The following ERICH1 variants were observed in gnomAD, a reference collection of about 807,000 sequenced individuals.
ERICH1 encodes glutamate-rich protein 1.
Under a neutral mutation model 39.6 loss-of-function variants are expected in ERICH1, and 56 were observed. The ratio of observed to expected loss-of-function variants is 1.41; its 90% CI spans 1.14 to 1.77. ERICH1 has a LOEUF of 1.77. Among genes scored for constraint, ERICH1 ranks in the 40% most tolerant of loss-of-function variants. The pLI is 0.00. For missense variants in ERICH1, 826 were observed against 575.4 expected (o/e 1.44, Z -4.45); for synonymous variants, 313 against 223.6 (o/e 1.40, Z -3.57).
At chr8:636,151 C>A (rs944123421) in intron 3 of ERICH1, among the ~76,000 whole-genome samples, 4 of 152,222 alleles carry the variant, frequency 2.6e-5, no homozygotes, top group East Asian at 1.9e-4. Context: ...TCTAAGGCGG[C>A]TGAATCCCTG....
At chr8:662,758 A>G (rs9314595), downstream of ERICH1, among the ~76,000 whole-genome samples, 43,427 of 152,174 alleles carry the variant, frequency 0.29, 7,842 homozygotes, top group Non-Finnish European at 0.41. Context: ...TTCTCGATGG[A>G]GGCAGGAGTC....
intron 3 of ERICH1, among the ~76,000 whole-genome samples, chr8:674,952 T>C (rs1330253720): frequency 6.6e-6 from 1 of 152,184 alleles, no homozygotes; most frequent in African/African-American, 2.4e-5. Flanking sequence ...CCGTGGCCGA[T>C]TTCAAACTAC....
intron 1 of ERICH1, among the ~76,000 whole-genome samples, chr8:722,821 A>T (rs1293861499): frequency 6.6e-6 from 1 of 152,250 alleles, no homozygotes; most frequent in Non-Finnish European, 1.5e-5. Context: ...GACCTATTTC[A>T]AAATGTGGCT....
chr8:698,644 C>T (rs1810929430), intron 2 of ERICH1, among the ~76,000 whole-genome samples: 1 of 152,170 alleles, frequency 6.6e-6, no homozygotes, highest in African/African-American at 2.4e-5. Flanking sequence ...GAGACAGGGT[C>T]TCACTCTGTT....
chr8:682,992 T>A (rs766817969), intron 3 of ERICH1, among the ~76,000 whole-genome samples: 1 of 152,232 alleles, frequency 6.6e-6, no homozygotes, highest in Non-Finnish European at 1.5e-5. Context: ...CTTTAAAATG[T>A]AGTAACATGA....
chr8:616,465 G>A, intron 3 of ERICH1: 1 of 453,696 alleles, frequency 2.2e-6, no homozygotes, highest in Non-Finnish European at 4.4e-6. Flanking sequence ...TTCAGCGCTG[G>A]CCAACAAACC....
intron 3 of ERICH1, among the ~76,000 whole-genome samples, chr8:652,670 G>A (rs941864525): frequency 3.3e-5 from 5 of 152,200 alleles, no homozygotes; most frequent in Admixed American, 6.5e-5. Flanking sequence ...TTCATTCCTA[G>A]GAGATGCCTC....
intron 3 of ERICH1, among the ~76,000 whole-genome samples, chr8:617,480 C>T (rs187181202): frequency 1.3e-5 from 2 of 152,338 alleles, no homozygotes; most frequent in Admixed American, 1.3e-4. Context: ...GGTGCTCGGT[C>T]TATCCTCACT....
chr8:718,284 C>A (rs545615260), intron 1 of ERICH1, among the ~76,000 whole-genome samples: 1 of 151,946 alleles, frequency 6.6e-6, no homozygotes, highest in African/African-American at 2.4e-5. Context: ...CGGATTGGAG[C>A]GCACTGAGTC....
intron 3 of ERICH1, chr8:626,554 C>G (rs564087445): frequency 1.9e-5 from 3 of 155,930 alleles, no homozygotes; most frequent in African/African-American, 7.2e-5. Flanking sequence ...GGGACAAAAA[C>G]TGAACACAGT....
intron 3 of ERICH1, among the ~76,000 whole-genome samples, chr8:684,140 AC>A (rs1294342057): frequency 6.6e-6 from 1 of 152,256 alleles, no homozygotes; most frequent in African/African-American, 2.4e-5. Flanking sequence ...AAAATGGCCA[AC>A]AAAATGATAA....
At chr8:689,095 G>A (rs1808332252) in intron 3 of ERICH1, among the ~76,000 whole-genome samples, 1 of 151,426 alleles carries the variant, frequency 6.6e-6, no homozygotes, top group South Asian at 2.1e-4. Flanking sequence ...TAAACTAGGT[G>A]AAGAGCTCAC....
intron 3 of ERICH1, among the ~76,000 whole-genome samples, chr8:632,226 T>C (rs1162874314): frequency 5.9e-5 from 9 of 152,338 alleles, no homozygotes. Context: ...ATTTTTCTAT[T>C]GTGTGTCGTG....
Position 615,474 on chromosome 8 carries a change from A to G in ERICH1, c.977-190T>C, listed in dbSNP as rs141181597. 6.1e-3 allele frequency: 2,895 copies of G among 474,848 alleles called. 15 individuals are homozygous for G. The highest frequency in any genetic ancestry group is 5.8e-3 in the Non-Finnish European group (1,592 of 272,784). 29.4% of individuals were successfully genotyped at this position (474,848 alleles called of 1,614,324 possible). On this transcript the variant is annotated intron_variant, in intron 3 of 3. Transcript: ENST00000522706. The stretch of plus-strand genomic sequence containing the variant: ...CACAATAGTGCCTGGGGTGGCTGTC[A>G]TCTCTACGAGGCCTGGGTGCACTGA...
chr8:635,983 C>T (rs1355321154), intron 3 of ERICH1, among the ~76,000 whole-genome samples: 1 of 152,264 alleles, frequency 6.6e-6, no homozygotes, highest in Non-Finnish European at 1.5e-5. Context: ...AGGCCTCCGC[C>T]TCGGCAGAAA....
intron 3 of ERICH1, among the ~76,000 whole-genome samples, chr8:686,211 T>C (rs1265648191): frequency 6.6e-6 from 1 of 152,082 alleles, no homozygotes; most frequent in Non-Finnish European, 1.5e-5. Context: ...CTCTTTAACT[T>C]CAATTAAACA....
At chr8:706,563 C>G (rs189098942) in intron 2 of ERICH1, among the ~76,000 whole-genome samples, 2 of 152,080 alleles carry the variant, frequency 1.3e-5, no homozygotes, top group African/African-American at 4.8e-5. Flanking sequence ...CACCTGAGGT[C>G]GGGAGTTCGA....
intron 3 of ERICH1, among the ~76,000 whole-genome samples, chr8:641,661 G>C (rs182177952): frequency 2.0e-5 from 3 of 152,354 alleles, no homozygotes; most frequent in Admixed American, 2.0e-4. Flanking sequence ...AATCAGTGGA[G>C]AACGCAGCGG....
intron 1 of ERICH1, among the ~76,000 whole-genome samples, chr8:722,028 G>A (rs1817440596): frequency 6.6e-6 from 1 of 152,002 alleles, no homozygotes; most frequent in Non-Finnish European, 1.5e-5. Context: ...ATGCTGCATG[G>A]CCCAAATGAA....
Sources: allele counts gnomAD v4.1 joint callset (sites outside exome capture counted in the v4.1 genomes callset), GRCh38; gene constraint gnomAD v4.1.1; transcripts MANE v1.5; gene names NCBI Gene and HGNC (gene_info 2026-07-23, HGNC 2026-07-21).